The following BTBD9 variants were observed in gnomAD, a reference collection of about 807,000 sequenced individuals.
BTBD9 encodes the protein BTB domain containing 9, also known as BTB/POZ domain-containing protein 9.
BTBD9 carries 49 observed loss-of-function variants against 64.3 expected under a neutral mutation model. The observed-to-expected ratio is 0.76, with a 90% confidence interval of 0.61 to 0.97. The LOEUF (loss-of-function observed/expected upper bound fraction) is 0.97, where lower values mean the gene tolerates loss of function less well. Among genes scored for constraint, BTBD9 ranks in the 50% least tolerant of loss-of-function variants. The pLI, the probability that BTBD9 is intolerant of heterozygous loss-of-function variation, is 0.00. For synonymous variants in BTBD9, 260 were observed against 274.7 expected, an observed-to-expected ratio of 0.95 and a Z score of 0.53; for missense variants, 598 against 762.1, an observed-to-expected ratio of 0.78 and a Z score of 2.53.
intron 9 of BTBD9, among the ~76,000 whole-genome samples, chr6:38,201,789 C>T (rs1219796188): frequency 6.6e-6 from 1 of 152,130 alleles, no homozygotes; most frequent in Non-Finnish European, 1.5e-5. Flanking sequence ...CATTTCTATA[C>T]ACCAATAATG....
chr6:38,439,709 G>A (rs1247828295), intron 6 of BTBD9, among the ~76,000 whole-genome samples: 3 of 152,134 alleles, frequency 2.0e-5, no homozygotes, highest in Non-Finnish European at 4.4e-5. Flanking sequence ...TTACAGGCGT[G>A]AGCCACCACA....
intron 6 of BTBD9, among the ~76,000 whole-genome samples, chr6:38,376,925 C>T (rs569517788): frequency 1.3e-5 from 2 of 152,292 alleles, no homozygotes; most frequent in East Asian, 1.9e-4. Flanking sequence ...AGTGCATTAT[C>T]CTACTTGATG....
At chr6:38,301,420 G>A (rs541335311) in intron 7 of BTBD9, among the ~76,000 whole-genome samples, 1 of 152,308 alleles carries the variant, frequency 6.6e-6, no homozygotes, top group East Asian at 1.9e-4. Context: ...GATTGGAGTA[G>A]TTTCAGAAGG....
At chr6:38,325,413 C>T (rs1009639171) in intron 7 of BTBD9, among the ~76,000 whole-genome samples, 8 of 152,144 alleles carry the variant, frequency 5.3e-5, no homozygotes, top group Non-Finnish European at 1.0e-4. Flanking sequence ...AGGCTGGGTG[C>T]GGTGGCTCAT....
intron 8 of BTBD9, among the ~76,000 whole-genome samples, chr6:38,276,573 A>G (rs187000880): frequency 6.6e-6 from 1 of 152,282 alleles, no homozygotes; most frequent in East Asian, 1.9e-4. Context: ...TTCTCCCAAG[A>G]TTTAAAATTG....
At chr6:38,253,009 G>A (rs952228005) in intron 9 of BTBD9, among the ~76,000 whole-genome samples, 2 of 152,158 alleles carry the variant, frequency 1.3e-5, no homozygotes, top group Non-Finnish European at 2.9e-5. Context: ...AGCTACTCAG[G>A]AGTCTGAGGC....
At chr6:38,599,624 T>G (rs1333894169) in intron 1 of BTBD9, among the ~76,000 whole-genome samples, 2 of 152,216 alleles carry the variant, frequency 1.3e-5, no homozygotes, top group African/African-American at 2.4e-5. Flanking sequence ...CTGCTAGACC[T>G]CCACACCTTT....
chr6:38,517,423 C>T (rs961757424), intron 6 of BTBD9, among the ~76,000 whole-genome samples: 16 of 152,310 alleles, frequency 1.1e-4, no homozygotes, highest in African/African-American at 3.8e-4. Flanking sequence ...CCAACTCCTT[C>T]TCTGCCTCCC....
chr6:38,614,010 G>A (rs1300727730), intron 1 of BTBD9, among the ~76,000 whole-genome samples: 2 of 152,162 alleles, frequency 1.3e-5, no homozygotes, highest in Non-Finnish European at 2.9e-5. Flanking sequence ...GACTTTGCTG[G>A]TGAGGAGCCC....
At chr6:38,572,803 T>C (rs973029281) in intron 6 of BTBD9, among the ~76,000 whole-genome samples, 5 of 150,532 alleles carry the variant, frequency 3.3e-5, no homozygotes, top group Admixed American at 2.0e-4. Flanking sequence ...TATATATATA[T>C]ACATAAAAGT....
chr6:38,300,658 T>C (rs1301783747), intron 7 of BTBD9, among the ~76,000 whole-genome samples: 1 of 152,198 alleles, frequency 6.6e-6, no homozygotes, highest in Non-Finnish European at 1.5e-5. Context: ...TGGCTCTCTG[T>C]TTGTCTGTTA....
intron 9 of BTBD9, among the ~76,000 whole-genome samples, chr6:38,217,653 TTGGGCCCAG>T (rs1177282653): frequency 7.9e-5 from 12 of 151,648 alleles, no homozygotes; most frequent in Non-Finnish European, 1.5e-5. Flanking sequence ...ACATCTGGGT[TTGGGCCCAG>T]TTTGGTTTTT....
At chr6:38,568,919 A>T (rs1193941640) in intron 6 of BTBD9, among the ~76,000 whole-genome samples, 1 of 152,218 alleles carries the variant, frequency 6.6e-6, no homozygotes. Flanking sequence ...TAACTCCTAG[A>T]TACCTTACAC....
intron 6 of BTBD9, among the ~76,000 whole-genome samples, chr6:38,468,993 C>T (rs923452248): frequency 1.3e-5 from 2 of 151,910 alleles, no homozygotes; most frequent in Non-Finnish European, 2.9e-5. Flanking sequence ...TTTTGAAAAA[C>T]CTATGAAAAG....
chr6:38,600,855 A>T (rs1025893901), intron 1 of BTBD9, among the ~76,000 whole-genome samples: 1 of 152,198 alleles, frequency 6.6e-6, no homozygotes, highest in African/African-American at 2.4e-5. Flanking sequence ...TTCTCAATAC[A>T]TCTAATTTCA....
chr6:38,519,138 A>T (rs147014042), intron 6 of BTBD9, among the ~76,000 whole-genome samples: 567 of 152,300 alleles, frequency 3.7e-3, no homozygotes, highest in Admixed American at 6.5e-3. Context: ...ATCCTCTTGC[A>T]TGTGGGAAAT....
chr6:38,309,328 C>T (rs1234247077), intron 7 of BTBD9, among the ~76,000 whole-genome samples: 1 of 151,724 alleles, frequency 6.6e-6, no homozygotes, highest in Non-Finnish European at 1.5e-5. Flanking sequence ...GAGATCATAC[C>T]ATTGCACTCT....
intron 6 of BTBD9, among the ~76,000 whole-genome samples, chr6:38,378,088 G>A (rs563364298): frequency 1.2e-4 from 18 of 151,930 alleles, no homozygotes; most frequent in East Asian, 1.9e-4. Flanking sequence ...GCTCCGCCCC[G>A]TCCTCCCAGT....
chr6:38,219,554 A>G (rs555269246), intron 9 of BTBD9, among the ~76,000 whole-genome samples: 2 of 152,236 alleles, frequency 1.3e-5, no homozygotes, highest in African/African-American at 4.8e-5. Context: ...CCATTACGTC[A>G]TATCACCTAG....
Sources: gnomAD v4.1 joint callset for allele counts (sites outside exome capture counted in the v4.1 genomes callset) on GRCh38, gnomAD v4.1.1 for gene constraint, MANE v1.5 for transcripts, NCBI Gene and HGNC (gene_info 2026-07-23, HGNC 2026-07-21) for gene names.